Variants in IL1RAPL2 observed in about 807,000 individuals in gnomAD.
The protein encoded by IL1RAPL2 is X-linked interleukin-1 receptor accessory protein-like 2.
Under a neutral mutation model 44.1 loss-of-function variants are expected in IL1RAPL2, and 3 were observed. The observed-to-expected ratio is 0.07, with a 90% confidence interval of 0.03 to 0.18. The LOEUF is 0.18. Among genes scored for constraint, IL1RAPL2 ranks in the 10% least tolerant of loss-of-function variants. IL1RAPL2 has a pLI of 1.00. For synonymous variants in IL1RAPL2, 181 were observed against 178.8 expected (o/e 1.01, Z -0.10); for missense variants, 391 against 496.4 (o/e 0.79, Z 2.02).
chrX:105,030,336 A>G (rs1428349177), intron 2 of IL1RAPL2, among the ~76,000 whole-genome samples: 1 of 111,102 alleles, frequency 9.0e-6, no homozygotes, highest in South Asian at 3.8e-4. Flanking sequence ...TATGTCCTGA[A>G]TGGTATTGCC....
chrX:105,695,513 A>G (rs2038069821), intron 6 of IL1RAPL2, among the ~76,000 whole-genome samples: 1 of 111,832 alleles, frequency 8.9e-6, no homozygotes, highest in Admixed American at 9.6e-5. Context: ...TATTATTATA[A>G]TTGGAAATTT....
chrX:105,230,359 G>GT (rs2034057616), intron 3 of IL1RAPL2, among the ~76,000 whole-genome samples: 1 of 110,242 alleles, frequency 9.1e-6, no homozygotes, highest in African/African-American at 3.3e-5. Flanking sequence ...CCAGCAGACT[G>GT]TTTTAACCCA....
chrX:104,934,712 C>A (rs753081249), intron 2 of IL1RAPL2, among the ~76,000 whole-genome samples: 2 of 111,616 alleles, frequency 1.8e-5, no homozygotes, highest in African/African-American at 6.5e-5. Flanking sequence ...ATAGGCTCAT[C>A]GTAGTCTAGG....
intron 5 of IL1RAPL2, among the ~76,000 whole-genome samples, chrX:105,424,404 T>C (rs1196645427): frequency 9.0e-6 from 1 of 110,642 alleles, no homozygotes; most frequent in Non-Finnish European, 1.9e-5. Context: ...CAATCAGATA[T>C]CCATTTATCT....
At chrX:104,932,558 AAT>A (rs1346762370) in intron 2 of IL1RAPL2, among the ~76,000 whole-genome samples, 1 of 111,673 alleles carries the variant, frequency 9.0e-6, no homozygotes, top group African/African-American at 3.3e-5. Context: ...CAACAATGGA[AAT>A]AGTCTGATTC....
intron 8 of IL1RAPL2, among the ~76,000 whole-genome samples, chrX:105,747,939 A>G (rs2038563364): frequency 9.0e-6 from 1 of 111,247 alleles, no homozygotes; most frequent in African/African-American, 3.3e-5. Flanking sequence ...GTAATCTTGT[A>G]GGTAATTTTA....
At chrX:104,626,824 CTT>C (rs199567660) in intron 1 of IL1RAPL2, among the ~76,000 whole-genome samples, 1 of 98,822 alleles carries the variant, frequency 1.0e-5, no homozygotes. Flanking sequence ...TTGTAGATAA[CTT>C]TTTTTTTTTT....
intron 2 of IL1RAPL2, among the ~76,000 whole-genome samples, chrX:104,956,461 AGTGTGTGTGTGTGTGT>A (rs59541869): frequency 1.2e-5 from 1 of 84,086 alleles, no homozygotes; most frequent in African/African-American, 4.7e-5. Context: ...GTCTCTACTA[AGTGTGTGTGTGTGTGT>A]GTGTGTGTGT....
intron 5 of IL1RAPL2, among the ~76,000 whole-genome samples, chrX:105,328,357 A>G (rs1476502076): frequency 8.9e-6 from 1 of 111,956 alleles, no homozygotes; most frequent in African/African-American, 3.2e-5. Flanking sequence ...TATGATTTCA[A>G]CTGCTCTGAT....
At chrX:105,566,757 G>A (rs987268224) in intron 6 of IL1RAPL2, among the ~76,000 whole-genome samples, 1 of 111,506 alleles carries the variant, frequency 9.0e-6, no homozygotes, top group African/African-American at 3.3e-5. Flanking sequence ...GTGGGGCATA[G>A]GAAGGCAATT....
chrX:104,962,128 A>G (rs372515524), intron 2 of IL1RAPL2, among the ~76,000 whole-genome samples: 7 of 112,160 alleles, frequency 6.2e-5, no homozygotes, highest in African/African-American at 2.3e-4. Flanking sequence ...CCTCACTTCT[A>G]TGTTTCTACA....
intron 2 of IL1RAPL2, among the ~76,000 whole-genome samples, chrX:105,043,227 A>T (rs2031782731): frequency 9.1e-6 from 1 of 110,204 alleles, no homozygotes; most frequent in Non-Finnish European, 1.9e-5. Context: ...TTAAAGTATA[A>T]TAATAATATA....
intron 2 of IL1RAPL2, among the ~76,000 whole-genome samples, chrX:104,864,220 T>C (rs1413346611): frequency 1.8e-5 from 2 of 112,214 alleles, no homozygotes; most frequent in Non-Finnish European, 3.8e-5. Flanking sequence ...TTCAATTTTA[T>C]AGATTGATCA....
intron 7 of IL1RAPL2, among the ~76,000 whole-genome samples, chrX:105,739,063 C>G (rs2038474241): frequency 9.0e-6 from 1 of 111,166 alleles, no homozygotes; most frequent in Non-Finnish European, 1.9e-5. Flanking sequence ...CACTAAAAAT[C>G]TTCAATTTGC....
chrX:104,772,784 T>C (rs995435739), intron 2 of IL1RAPL2, among the ~76,000 whole-genome samples: 3 of 112,582 alleles, frequency 2.7e-5, no homozygotes, highest in Non-Finnish European at 5.6e-5. Flanking sequence ...ACTTGTGTTA[T>C]TGGGTAAGTT....
rs748101220 is a variant in IL1RAPL2, at chrX:105,169,492, C to CTTTTTTTTTTTTTTTTTTTTTTTTT, written c.83-25977_83-25953dup. ...TGAGAAACTTTCAGTTTCTTTCTTT[C>CTTTTTTTTTTTTTTTTTTTTTTTTT]TTTTTTTTTTTTTTTTTTTTTTTTT... On this transcript the variant is annotated intron_variant, in intron 2 of 10. Coordinates refer to ENST00000372582, the MANE Select transcript of IL1RAPL2 (RefSeq NM_017416.2). Among the ~76,000 whole-genome samples the CTTTTTTTTTTTTTTTTTTTTTTTTT allele has an allele frequency of 2.6e-4, 11 of 41,587 alleles. 4 individuals are homozygous for CTTTTTTTTTTTTTTTTTTTTTTTTT. Among genetic ancestry groups the CTTTTTTTTTTTTTTTTTTTTTTTTT allele is most frequent in the African/African-American group, 1.5e-3 (11 of 7,272 alleles). 36.1% of individuals were successfully genotyped at this position (41,587 alleles called of 115,157 possible).
rs1306250842 is a variant in IL1RAPL2, at chrX:104,868,689, A to G, written c.82+209694A>G. Among the ~76,000 whole-genome samples, 16 of 112,446 alleles carry G rather than the reference A, an allele frequency of 1.4e-4. No homozygotes were observed. The Admixed American group carries it at 1.5e-3, about 11-fold the overall frequency. ...TCTCCTGTGAAGCTGTACCCTTCCAATTAATCTTTGCAAGGGGAAGGGATT... is the reference window on the plus strand; with the variant it reads ...TCTCCTGTGAAGCTGTACCCTTCCAGTTAATCTTTGCAAGGGGAAGGGATT... On this transcript the variant is annotated intron_variant, in intron 2 of 10. Coordinates refer to ENST00000372582, the MANE Select transcript of IL1RAPL2 (RefSeq NM_017416.2).
chrX:105,066,309 T>G (rs1283071053), intron 2 of IL1RAPL2, among the ~76,000 whole-genome samples: 1 of 111,022 alleles, frequency 9.0e-6, no homozygotes, highest in Non-Finnish European at 1.9e-5. Context: ...CCTATTAATT[T>G]TAACCACTTT....
At chrX:104,934,867 T>C (rs910269083) in intron 2 of IL1RAPL2, among the ~76,000 whole-genome samples, 22 of 111,987 alleles carry the variant, frequency 2.0e-4, no homozygotes, top group African/African-American at 6.8e-4. Flanking sequence ...TTGTAAATAA[T>C]ACGAAATAAC....
Sources: allele counts gnomAD v4.1 joint callset (sites outside exome capture counted in the v4.1 genomes callset), GRCh38; gene constraint gnomAD v4.1.1; transcripts MANE v1.5; gene names NCBI Gene and HGNC (gene_info 2026-07-23, HGNC 2026-07-21).